COL4A5: variants seen among roughly 807,000 people sequenced by gnomAD.
COL4A5 encodes collagen alpha-5(IV) chain.
COL4A5 carries 26 observed loss-of-function variants against 130.2 expected under a neutral mutation model. The ratio of observed to expected loss-of-function variants is 0.20; its 90% CI spans 0.15 to 0.28. The LOEUF (loss-of-function observed/expected upper bound fraction) is 0.28, where lower values mean the gene tolerates loss of function less well. Ranked by LOEUF, COL4A5 falls within the 10% of genes least tolerant of loss-of-function variation. The pLI is 1.00. For missense variants in COL4A5, 1,131 were observed against 1,344.3 expected (o/e 0.84, Z 2.48); for synonymous variants, 496 against 439.6 (o/e 1.13, Z -1.60).
chrX:108,670,859 T>C (rs896022489), intron 42 of COL4A5, among the ~76,000 whole-genome samples: 6 of 110,697 alleles, frequency 5.4e-5, no homozygotes, highest in Non-Finnish European at 9.4e-5. Flanking sequence ...CTGACCAATA[T>C]AGTGAAACCC....
intron 1 of COL4A5, among the ~76,000 whole-genome samples, chrX:108,501,739 T>C (rs754984580): frequency 3.6e-5 from 4 of 112,431 alleles, no homozygotes; most frequent in Non-Finnish European, 7.5e-5. Flanking sequence ...ATTACTATTA[T>C]ATAATTTGTG....
intron 39 of COL4A5, 61 bp from the exon 40 acceptor site, chrX:108,667,072 C>CT: frequency 1.8e-6 from 2 of 1,094,298 alleles, no homozygotes; most frequent in Non-Finnish European, 2.5e-6. Flanking sequence ...ATAATTTGGC[C>CT]TTGTTTCAGT....
At chrX:108,556,810 G>A (rs1391662664) in intron 2 of COL4A5, among the ~76,000 whole-genome samples, 1 of 110,915 alleles carries the variant, frequency 9.0e-6, no homozygotes, top group Non-Finnish European at 1.9e-5. Flanking sequence ...AGTAACCTTA[G>A]TACCTTTCAA....
intron 2 of COL4A5, among the ~76,000 whole-genome samples, chrX:108,543,986 T>A (rs1312448247): frequency 2.7e-5 from 3 of 112,288 alleles, no homozygotes; most frequent in Non-Finnish European, 5.6e-5. Flanking sequence ...TGAAGTTGCT[T>A]ATCAGCTTAA....
chrX:108,606,768 G>A lies in COL4A5; in HGVS notation c.2271G>A (p.Gly757=). 8.3e-7 allele frequency: 1 copy of A among 1,210,869 alleles called. No homozygotes were observed. Among genetic ancestry groups the A allele is most frequent in the Non-Finnish European group, 1.1e-6 (1 of 894,991 alleles). Reference sequence around the variant, plus strand: ...GTGAACCAGGATTTGCATTACCTGGGCCACCTGGGCCACCAGGACTTCCAG... The same window carrying A: ...GTGAACCAGGATTTGCATTACCTGGACCACCTGGGCCACCAGGACTTCCAG... ...PKGEPGFALP[G]PPGPPGLPGF... Residue 757 remains glycine, a synonymous_variant, in exon 29 of 53, where the codon GGG becomes GGA. Transcript: ENST00000328300.
chrX:108,569,659 C>G (rs1479186484), intron 6 of COL4A5, among the ~76,000 whole-genome samples: 1 of 110,582 alleles, frequency 9.0e-6, no homozygotes, highest in Admixed American at 9.7e-5. Flanking sequence ...TTCTTTCTTT[C>G]TTTCTTTGTT....
At chrX:108,562,904 T>C (rs1429561874) in intron 3 of COL4A5, among the ~76,000 whole-genome samples, 1 of 111,719 alleles carries the variant, frequency 9.0e-6, no homozygotes, top group Non-Finnish European at 1.9e-5. Flanking sequence ...CTCACCTGTG[T>C]CCATTAGTCC....
At chrX:108,694,492 T>C (rs774118364) in intron 50 of COL4A5, 1 of 303,918 alleles carries the variant, frequency 3.3e-6, no homozygotes, top group Non-Finnish European at 5.9e-6. Context: ...GTATGTGCAA[T>C]ACACCAAACC....
At chrX:108,545,753 C>G (rs888593672) in intron 2 of COL4A5, among the ~76,000 whole-genome samples, 2 of 110,616 alleles carry the variant, frequency 1.8e-5, no homozygotes, top group Admixed American at 9.6e-5. Flanking sequence ...AAGTCTCTTT[C>G]TAGGTCTCTA....
chrX:108,567,512 C>T (rs2065992073), intron 4 of COL4A5, among the ~76,000 whole-genome samples: 1 of 111,423 alleles, frequency 9.0e-6, no homozygotes, highest in South Asian at 3.8e-4. Context: ...GTGAATGTGC[C>T]ATAATTTATT....
intron 1 of COL4A5, among the ~76,000 whole-genome samples, chrX:108,476,235 CTTGA>C (rs1486789775): frequency 9.0e-6 from 1 of 110,731 alleles, no homozygotes; most frequent in African/African-American, 3.3e-5. Flanking sequence ...TAAAAAATAC[CTTGA>C]TTTATTTATT....
At chrX:108,488,301 G>T (rs2064965702) in intron 1 of COL4A5, among the ~76,000 whole-genome samples, 1 of 112,900 alleles carries the variant, frequency 8.9e-6, no homozygotes, top group Non-Finnish European at 1.9e-5. Context: ...GGTATTATTT[G>T]TTTGTATAGA....
intron 1 of COL4A5, among the ~76,000 whole-genome samples, chrX:108,499,698 T>G (rs2065062874): frequency 1.8e-5 from 2 of 111,665 alleles, no homozygotes; most frequent in African/African-American, 3.3e-5. Flanking sequence ...AAAACCAAGA[T>G]TTTTCAGTTA....
chrX:108,520,300 C>A (rs1051950379), intron 1 of COL4A5, among the ~76,000 whole-genome samples: 14 of 111,401 alleles, frequency 1.3e-4, no homozygotes, highest in Non-Finnish European at 2.7e-4. Flanking sequence ...TTTAGACAAG[C>A]CTTAAGGTCC....
At chrX:108,677,450 C>G in intron 43 of COL4A5, 50 bp from the exon 44 acceptor site, 1 of 1,149,922 alleles carries the variant, frequency 8.7e-7, no homozygotes, top group East Asian at 3.0e-5. Context: ...GACTTTTATG[C>G]TACTCTTAAC....
At chrX:108,505,524 G>C (rs1290619483) in intron 1 of COL4A5, among the ~76,000 whole-genome samples, 1 of 111,393 alleles carries the variant, frequency 9.0e-6, no homozygotes, top group African/African-American at 3.3e-5. Context: ...TATGGAGTAA[G>C]AAAGTAATTA....
intron 1 of COL4A5, among the ~76,000 whole-genome samples, chrX:108,509,314 A>G (rs1175818867): frequency 8.9e-6 from 1 of 111,795 alleles, no homozygotes; most frequent in Non-Finnish European, 1.9e-5. Context: ...GGATCAGGAA[A>G]AATAACTAAT....
chrX:108,536,918 G>A lies in COL4A5; in HGVS notation c.82-2828G>A, dbSNP rs986474669. On this transcript the variant is annotated intron_variant, in intron 1 of 52. Coordinates refer to ENST00000328300, the MANE Select transcript of COL4A5 (RefSeq NM_033380.3). ...TTCTGAAGTAAAATTATGATATACC[G>A]CTGTATCATTATTCCATTGTATTTT... Among the ~76,000 whole-genome samples, 3 of 110,983 alleles carry A rather than the reference G, an allele frequency of 2.7e-5. 1 individual carries two copies. The Admixed American group carries it at 2.9e-4, about 11-fold the overall frequency.
chrX:108,486,868 A>G (rs1172924020), intron 1 of COL4A5, among the ~76,000 whole-genome samples: 1 of 112,116 alleles, frequency 8.9e-6, no homozygotes, highest in Non-Finnish European at 1.9e-5. Flanking sequence ...TGCAATTGTG[A>G]ATTGTGCTGC....
Sources: gnomAD v4.1 joint callset for allele counts (sites outside exome capture counted in the v4.1 genomes callset) on GRCh38, gnomAD v4.1.1 for gene constraint, MANE v1.5 for transcripts, NCBI Gene and HGNC (gene_info 2026-07-23, HGNC 2026-07-21) for gene names.